The following ANKFN1 variants were observed in gnomAD, a reference collection of about 807,000 sequenced individuals.
ANKFN1 encodes ankyrin repeat and fibronectin type III domain containing 1, also known as ankyrin repeat and fibronectin type-III domain-containing protein 1.
A neutral mutation model predicts 108.7 loss-of-function variants in ANKFN1; 74 were observed. The observed-to-expected ratio is 0.68, with a 90% CI of 0.56 to 0.83. The LOEUF (loss-of-function observed/expected upper bound fraction) is 0.83, where lower values mean the gene tolerates loss of function less well. Ranked by LOEUF, ANKFN1 falls within the 40% of genes least tolerant of loss-of-function variation. The pLI, the probability that ANKFN1 is intolerant of heterozygous loss-of-function variation, is 0.00. For missense variants in ANKFN1, 1,505 were observed against 1,382.3 expected, an observed-to-expected ratio of 1.09 and a Z score of -1.41; for synonymous variants, 547 against 516.2, an observed-to-expected ratio of 1.06 and a Z score of -0.81.
At chr17:56,382,771 A>G (rs1318425539) in intron 8 of ANKFN1, among the ~76,000 whole-genome samples, 2 of 152,252 alleles carry the variant, frequency 1.3e-5, no homozygotes, top group Non-Finnish European at 2.9e-5. Flanking sequence ...CTCAACAAGA[A>G]GAGCTAACTC....
chr17:56,442,757 A>G, intron 9 of ANKFN1, 86 bp from the exon 10 acceptor site: 2 of 1,192,016 alleles, frequency 1.7e-6, no homozygotes, highest in Non-Finnish European at 2.4e-6. Flanking sequence ...AGTTAATCAC[A>G]CATAGTTATT....
intron 8 of ANKFN1, among the ~76,000 whole-genome samples, chr17:56,422,627 A>G (rs759609281): frequency 1.3e-5 from 2 of 152,186 alleles, no homozygotes; most frequent in Non-Finnish European, 1.5e-5. Flanking sequence ...CAAGATCCTC[A>G]TTACTTTTTT....
intron 1 of ANKFN1, among the ~76,000 whole-genome samples, chr17:56,165,930 T>A (rs1187977157): frequency 6.6e-6 from 1 of 152,198 alleles, no homozygotes. Context: ...CCATGAGTCC[T>A]AATTCTCCTT....
At position 56,342,465 on chromosome 17, in the gene ANKFN1, A is replaced by G. The variant is rs537980588; in HGVS notation, c.189-8301A>G. ...TAAATTTCCCTCTTAACACTGCCTTAGCTGTGTCCCAGAGATTCTGGTACA... is the reference window on the plus strand; with the variant it reads ...TAAATTTCCCTCTTAACACTGCCTTGGCTGTGTCCCAGAGATTCTGGTACA... On this transcript the variant is annotated intron_variant, in intron 4 of 20. Coordinates refer to ENST00000682825, the MANE Select transcript of ANKFN1 (RefSeq NM_001370326.1). Among the ~76,000 whole-genome samples, 82 of 152,060 alleles carry G rather than the reference A, an allele frequency of 5.4e-4. No individual in the cohort carries two copies. The South Asian group carries it at 0.016, about 29-fold the overall frequency.
intron 1 of ANKFN1, among the ~76,000 whole-genome samples, chr17:56,163,471 C>A (rs1909868707): frequency 6.6e-6 from 1 of 152,198 alleles, no homozygotes. Flanking sequence ...ACTTCCAGCT[C>A]CCCTGGTTTA....
chr17:56,268,811 T>G (rs1464797525), intron 3 of ANKFN1, among the ~76,000 whole-genome samples: 10 of 152,198 alleles, frequency 6.6e-5, no homozygotes, highest in Admixed American at 6.5e-4. Context: ...ATCTTCTTCC[T>G]ACCTGACATT....
intron 20 of ANKFN1, among the ~76,000 whole-genome samples, chr17:56,504,061 C>A (rs938710228): frequency 6.6e-6 from 1 of 152,206 alleles, no homozygotes; most frequent in African/African-American, 2.4e-5. Context: ...CTCCTCAGTG[C>A]CCTGGCTGGC....
At chr17:56,105,169 GC>G (rs1269431534) in intron 4 of ANKFN1, among the ~76,000 whole-genome samples, 9 of 152,088 alleles carry the variant, frequency 5.9e-5, no homozygotes, top group African/African-American at 2.2e-4. Flanking sequence ...AAAGAACTAG[GC>G]TTTTACCAGG....
At chr17:56,164,073 C>T (rs183921744) in intron 1 of ANKFN1, among the ~76,000 whole-genome samples, 1 of 152,202 alleles carries the variant, frequency 6.6e-6, no homozygotes, top group African/African-American at 2.4e-5. Context: ...ATGTGGACCC[C>T]CAAGGCCTCT....
chr17:56,169,831 G>T (rs1230728465), intron 1 of ANKFN1, among the ~76,000 whole-genome samples: 1 of 152,100 alleles, frequency 6.6e-6, no homozygotes, highest in Non-Finnish European at 1.5e-5. Context: ...AACCCTAAAG[G>T]TGCTCCTGCT....
intron 8 of ANKFN1, among the ~76,000 whole-genome samples, chr17:56,429,118 G>A (rs1052198829): frequency 6.6e-6 from 1 of 152,054 alleles, no homozygotes; most frequent in African/African-American, 2.4e-5. Context: ...TGAGCCCATG[G>A]ATCTCACATT....
chr17:56,386,398 C>T (rs2047270954), intron 8 of ANKFN1, among the ~76,000 whole-genome samples: 2 of 151,700 alleles, frequency 1.3e-5, no homozygotes, highest in South Asian at 4.2e-4. Context: ...GTGCAGCACA[C>T]CAGCATGGCA....
chr17:56,407,233 T>C (rs1485367046), intron 8 of ANKFN1, among the ~76,000 whole-genome samples: 1 of 152,202 alleles, frequency 6.6e-6, no homozygotes, highest in African/African-American at 2.4e-5. Flanking sequence ...TTGAACAAAG[T>C]GCTATCCTTT....
chr17:56,137,961 C>G (rs929140944), intron 4 of ANKFN1, among the ~76,000 whole-genome samples: 1 of 152,046 alleles, frequency 6.6e-6, no homozygotes, highest in Admixed American at 6.6e-5. Flanking sequence ...GATGAGTTGC[C>G]CTTTGACTTA....
intron 10 of ANKFN1, among the ~76,000 whole-genome samples, chr17:56,447,452 T>C (rs1449266800): frequency 1.3e-5 from 2 of 152,166 alleles, no homozygotes; most frequent in Non-Finnish European, 2.9e-5. Context: ...AGCATGTCCA[T>C]GGTATATGAA....
upstream of ANKFN1, among the ~76,000 whole-genome samples, chr17:56,152,262 A>ATGTGTGTGTGTGTGTGTGTGTG (rs200366444): frequency 1.3e-5 from 1 of 77,714 alleles, no homozygotes. Context: ...ATATATATAT[A>ATGTGTGTGTGTGTGTGTGTGTG]TGTGTGTGTG....
At chr17:56,099,577 A>G (rs571719291) in intron 4 of ANKFN1, among the ~76,000 whole-genome samples, 1 of 152,342 alleles carries the variant, frequency 6.6e-6, no homozygotes, top group East Asian at 1.9e-4. Context: ...GATTAAACCC[A>G]GTCCTTATTT....
At chr17:56,354,423 AT>A (rs1003317380) in intron 6 of ANKFN1, among the ~76,000 whole-genome samples, 1 of 152,180 alleles carries the variant, frequency 6.6e-6, no homozygotes, top group African/African-American at 2.4e-5. Flanking sequence ...TCATTCATTC[AT>A]TCATTCATTC....
intron 11 of ANKFN1, among the ~76,000 whole-genome samples, chr17:56,456,274 G>GAGT (rs2049690758): frequency 6.6e-6 from 1 of 152,030 alleles, no homozygotes; most frequent in Admixed American, 6.6e-5. Flanking sequence ...TCAAAGCAGA[G>GAGT]AGTATCAACA....
Sources: allele counts gnomAD v4.1 joint callset (sites outside exome capture counted in the v4.1 genomes callset), GRCh38; gene constraint gnomAD v4.1.1; transcripts MANE v1.5; gene names NCBI Gene and HGNC (gene_info 2026-07-23, HGNC 2026-07-21).